Variants in HS6ST3 observed in about 807,000 individuals in gnomAD.
The protein encoded by HS6ST3 is heparan sulfate 6-O-sulfotransferase 3, also known as heparan-sulfate 6-O-sulfotransferase 3.
Under a neutral mutation model 36.7 loss-of-function variants are expected in HS6ST3, and 12 were observed. The observed-to-expected ratio is 0.33, with a 90% CI of 0.21 to 0.53. The LOEUF (loss-of-function observed/expected upper bound fraction) is 0.53, where lower values mean the gene tolerates loss of function less well. Among genes scored for constraint, HS6ST3 ranks in the 20% least tolerant of loss-of-function variants. The pLI is 0.95. For synonymous variants in HS6ST3, 240 were observed against 257.5 expected (o/e 0.93, Z 0.65); for missense variants, 584 against 640.9 (o/e 0.91, Z 0.96).
intron 1 of HS6ST3, among the ~76,000 whole-genome samples, chr13:96,582,597 T>C (rs1485209117): frequency 6.6e-6 from 1 of 152,194 alleles, no homozygotes; most frequent in Admixed American, 6.5e-5. Flanking sequence ...CTGAAGCAAG[T>C]TGGAGATTTT....
chr13:96,693,547 C>T (rs1209898411), intron 1 of HS6ST3, among the ~76,000 whole-genome samples: 1 of 152,192 alleles, frequency 6.6e-6, no homozygotes, highest in Non-Finnish European at 1.5e-5. Context: ...AAGTGATCCA[C>T]CTGTCTCGGC....
At chr13:96,366,431 A>T (rs1003063701) in intron 1 of HS6ST3, among the ~76,000 whole-genome samples, 1 of 150,340 alleles carries the variant, frequency 6.7e-6, no homozygotes, top group Admixed American at 6.6e-5. Context: ...CCTGGGTGAC[A>T]TAGCAAGACC....
chr13:96,377,234 T>C (rs2055319251), intron 1 of HS6ST3, among the ~76,000 whole-genome samples: 1 of 151,398 alleles, frequency 6.6e-6, no homozygotes, highest in Non-Finnish European at 1.5e-5. Context: ...GCTGTGGTGA[T>C]GCCTCAGCTA....
At chr13:96,640,855 G>A (rs1235736780) in intron 1 of HS6ST3, among the ~76,000 whole-genome samples, 1 of 151,836 alleles carries the variant, frequency 6.6e-6, no homozygotes, top group Non-Finnish European at 1.5e-5. Context: ...AGATTTAGAT[G>A]GGCGTAGGTG....
intron 1 of HS6ST3, among the ~76,000 whole-genome samples, chr13:96,721,837 A>C (rs957078836): frequency 3.3e-5 from 5 of 152,230 alleles, no homozygotes; most frequent in African/African-American, 7.2e-5. Context: ...AGCTAAACAA[A>C]ATAATTTAAG....
chr13:96,096,810 C>G (rs1409453953), intron 1 of HS6ST3, among the ~76,000 whole-genome samples: 2 of 152,186 alleles, frequency 1.3e-5, no homozygotes, highest in Non-Finnish European at 2.9e-5. Flanking sequence ...TTACAGAGCT[C>G]TGTTTCAAAG....
At chr13:96,361,663 C>T (rs1226324470) in intron 1 of HS6ST3, among the ~76,000 whole-genome samples, 1 of 152,124 alleles carries the variant, frequency 6.6e-6, no homozygotes, top group African/African-American at 2.4e-5. Flanking sequence ...CCATCAGAAG[C>T]TGGAAGCAAG....
chr13:96,639,226 T>A (rs778849658), intron 1 of HS6ST3, among the ~76,000 whole-genome samples: 46 of 152,048 alleles, frequency 3.0e-4, no homozygotes, highest in Non-Finnish European at 6.2e-4. Flanking sequence ...GGTCCATATA[T>A]GTTTAAAATT....
intron 1 of HS6ST3, among the ~76,000 whole-genome samples, chr13:96,533,026 A>G (rs2056141766): frequency 6.6e-6 from 1 of 152,130 alleles, no homozygotes; most frequent in South Asian, 2.1e-4. Flanking sequence ...TCTAGGCAGG[A>G]GGTTAAAAGC....
intron 1 of HS6ST3, among the ~76,000 whole-genome samples, chr13:96,339,362 G>A (rs1007662873): frequency 6.6e-6 from 1 of 152,094 alleles, no homozygotes; most frequent in East Asian, 1.9e-4. Flanking sequence ...ATTTTACACA[G>A]GAGATAAAAT....
At chr13:96,619,569 A>T (rs950280452) in intron 1 of HS6ST3, among the ~76,000 whole-genome samples, 3 of 152,204 alleles carry the variant, frequency 2.0e-5, no homozygotes, top group Admixed American at 2.0e-4. Flanking sequence ...TGTGGCACTG[A>T]GGTGCAGTGT....
At chr13:96,748,484 C>T (rs1231149798) in intron 1 of HS6ST3, among the ~76,000 whole-genome samples, 2 of 152,238 alleles carry the variant, frequency 1.3e-5, no homozygotes, top group Middle Eastern at 3.4e-3. Flanking sequence ...AATGAGTTAA[C>T]CGTGGCTAAT....
intron 1 of HS6ST3, among the ~76,000 whole-genome samples, chr13:96,787,423 G>GT (rs1297138263): frequency 6.6e-6 from 1 of 151,982 alleles, no homozygotes; most frequent in East Asian, 1.9e-4. Context: ...ATGCATGCAT[G>GT]TATGTATGTT....
chr13:96,171,066 A>G (rs1040755012), intron 1 of HS6ST3, among the ~76,000 whole-genome samples: 3 of 152,252 alleles, frequency 2.0e-5, no homozygotes, highest in Non-Finnish European at 4.4e-5. Context: ...ATACCTTTTT[A>G]TGAAGAAATG....
chr13:96,505,166 C>T (rs923237916), intron 1 of HS6ST3, among the ~76,000 whole-genome samples: 1 of 152,158 alleles, frequency 6.6e-6, no homozygotes, highest in Admixed American at 6.6e-5. Context: ...TTTGTAATTG[C>T]TGCTTTCCAT....
intron 1 of HS6ST3, among the ~76,000 whole-genome samples, chr13:96,612,767 G>C (rs927436961): frequency 5.9e-5 from 9 of 152,082 alleles, no homozygotes; most frequent in African/African-American, 1.9e-4. Context: ...ATTCTCCAAT[G>C]GTTTCTCATC....
At chr13:96,794,700 C>T (rs575723822) in intron 1 of HS6ST3, among the ~76,000 whole-genome samples, 24 of 152,088 alleles carry the variant, frequency 1.6e-4, no homozygotes, top group African/African-American at 5.8e-4. Flanking sequence ...AAACAGGTTA[C>T]ATTGTGTCAG....
chr13:96,693,508 G>A (rs1262042109), intron 1 of HS6ST3, among the ~76,000 whole-genome samples: 1 of 152,016 alleles, frequency 6.6e-6, no homozygotes, highest in Non-Finnish European at 1.5e-5. Context: ...TCACCATGTT[G>A]GTCAGGCTGG....
At chr13:96,190,660 A>G (rs566857407) in intron 1 of HS6ST3, among the ~76,000 whole-genome samples, 1 of 152,364 alleles carries the variant, frequency 6.6e-6, no homozygotes, top group East Asian at 1.9e-4. Flanking sequence ...GTTGGGAGAC[A>G]GCACTAAGCA....
Sources: gnomAD v4.1 joint callset for allele counts (sites outside exome capture counted in the v4.1 genomes callset) on GRCh38, gnomAD v4.1.1 for gene constraint, MANE v1.5 for transcripts, NCBI Gene and HGNC (gene_info 2026-07-23, HGNC 2026-07-21) for gene names.